RBPMS: variants seen among roughly 807,000 people sequenced by gnomAD.
RBPMS encodes the protein RNA-binding protein with multiple splicing.
RBPMS carries 7 observed loss-of-function variants against 26.8 expected under a neutral mutation model. The ratio of observed to expected loss-of-function variants is 0.26; its 90% confidence interval spans 0.15 to 0.49. The LOEUF (loss-of-function observed/expected upper bound fraction) is 0.49. Ranked by LOEUF, RBPMS falls within the 20% of genes least tolerant of loss-of-function variation. RBPMS has a pLI of 0.98. For synonymous variants in RBPMS, 96 were observed against 93.3 expected (o/e 1.03, Z -0.17); for missense variants, 186 against 250.0 (o/e 0.74, Z 1.73).
At chr8:30,390,164 C>T (rs569334412) in intron 1 of RBPMS, among the ~76,000 whole-genome samples, 7 of 152,218 alleles carry the variant, frequency 4.6e-5, no homozygotes, top group East Asian at 3.9e-4. Flanking sequence ...TTTAAGTTTT[C>T]GAAAATGACC....
chr8:30,426,501 G>C (rs1811360895), intron 1 of RBPMS, among the ~76,000 whole-genome samples: 3 of 152,070 alleles, frequency 2.0e-5, no homozygotes, highest in Admixed American at 1.3e-4. Context: ...ATGAACATTT[G>C]GGGTCCTGAA....
intron 1 of RBPMS, 55 bp downstream of exon 1, chr8:30,385,213 CCGGCGGGGCGCGGGCCCGGGGCG>C: frequency 7.6e-7 from 1 of 1,309,320 alleles, no homozygotes; most frequent in Admixed American, 3.8e-5. Flanking sequence ...GTGCGGGCGG[CCGGCGGGGCGCGGGCCCGGGGCG>C]CGGCGGTGGA....
chr8:30,434,154 G>A (rs1203539753), intron 1 of RBPMS, among the ~76,000 whole-genome samples: 1 of 151,850 alleles, frequency 6.6e-6, no homozygotes, highest in African/African-American at 2.4e-5. Context: ...TAAAAATAAA[G>A]TCCTGGGTCG....
chr8:30,423,824 G>GTTTTT lies in RBPMS; in HGVS notation c.66+38670_66+38674dup, dbSNP rs35688358. On this transcript the variant is annotated intron_variant, in intron 1 of 8. Transcript: ENST00000397323. ...TTACAAAAATCTGGATGGGTTTTTT[G>GTTTTT]TTTTTTTTGTTGTTGTTGTTTTGTT... Among the ~76,000 whole-genome samples the GTTTTT allele has an allele frequency of 5.2e-3, 696 of 133,342 alleles. 2 individuals are homozygous for GTTTTT. The highest frequency in any genetic ancestry group is 0.012 in the Middle Eastern group (3 of 258). 87.5% of individuals were successfully genotyped at this position (133,342 alleles called of 152,430 possible).
intron 1 of RBPMS, among the ~76,000 whole-genome samples, chr8:30,448,917 TG>T (rs567682475): frequency 3.9e-5 from 6 of 152,170 alleles, no homozygotes; most frequent in African/African-American, 1.2e-4. Flanking sequence ...ACCATACCCA[TG>T]GGGGGGAACT....
Position 30,413,159 on chromosome 8 carries a change from G to A in RBPMS, c.66+28001G>A, listed in dbSNP as rs187595177. 4.3e-3 allele frequency among the ~76,000 whole-genome samples: 657 copies of A among 152,134 alleles called. 4 individuals carry two copies. Among genetic ancestry groups the A allele is most frequent in the African/African-American group, 0.012 (513 of 41,510 alleles). ...AGTGGCACCATCTTGGCTCACTGCA[G>A]CCTCTGCCACTCAGGTTCAAGTGAT... On this transcript the variant is annotated intron_variant, in intron 1 of 8. Coordinates refer to ENST00000397323, the MANE Select transcript of RBPMS (RefSeq NM_001008710.3).
chr8:30,544,520 C>T lies in RBPMS; in HGVS notation c.424C>T (p.Pro142Ser), dbSNP rs758573531. The stretch of plus-strand genomic sequence containing the variant: ...TGAGCTCACAGTGCCTGCACTTTAC[C>T]CCAGTAGCCCTGAAGTGTGGGCCCC... ...PYELTVPALY[P>S]SSPEVWAPYP... Residue 142 changes from proline (P) to serine (S), a missense_variant, in exon 6 of 9, where the codon CCC becomes TCC. Physicochemically the swap from Pro to Ser is moderately conservative, Grantham distance 74. Transcript: ENST00000397323. 1.1e-5 allele frequency: 18 copies of T among 1,614,024 alleles called. No individual in the cohort carries two copies. Among genetic ancestry groups the T allele is most frequent in the Non-Finnish European group, 1.4e-5 (17 of 1,180,046 alleles).
chr8:30,426,535 G>A (rs1166845041), intron 1 of RBPMS, among the ~76,000 whole-genome samples: 3 of 152,138 alleles, frequency 2.0e-5, no homozygotes, highest in Admixed American at 6.5e-5. Flanking sequence ...TGCGTAATAG[G>A]ACCTGAATAA....
At chr8:30,533,506 T>C (rs1025017802) in intron 5 of RBPMS, among the ~76,000 whole-genome samples, 7 of 152,212 alleles carry the variant, frequency 4.6e-5, no homozygotes, top group Non-Finnish European at 8.8e-5. Context: ...TCTGGGTCCA[T>C]GGGTGGCTTT....
chr8:30,557,205 G>T (rs981064689), intron 6 of RBPMS, among the ~76,000 whole-genome samples: 9 of 152,222 alleles, frequency 5.9e-5, no homozygotes, highest in African/African-American at 2.2e-4. Context: ...GCAGGCAGAA[G>T]CTCCGGTATG....
intron 1 of RBPMS, among the ~76,000 whole-genome samples, chr8:30,433,850 G>T (rs1812180798): frequency 6.6e-6 from 1 of 152,108 alleles, no homozygotes; most frequent in Admixed American, 6.5e-5. Context: ...CTTAGATCTT[G>T]CATGATTATA....
Position 30,571,989 on chromosome 8 carries a change from A to C in RBPMS, c.*1464A>C, listed in dbSNP as rs566945533. On this transcript the variant is annotated 3_prime_UTR_variant, in exon 9 of 9. Coordinates refer to ENST00000397323, the MANE Select transcript of RBPMS (RefSeq NM_001008710.3). ...AATATAAAGATGTCAAGAAGCTTTT[A>C]AAGGTCAACACAAAAAACCAAGGCC... The C allele has an allele frequency of 1.1e-4, 17 of 152,352 alleles. No homozygotes were observed. The highest frequency in any genetic ancestry group is 3.8e-4 in the African/African-American group (16 of 41,584). 9.4% of individuals were successfully genotyped at this position (152,352 alleles called of 1,614,324 possible). A position where few individuals can be genotyped will look rare whatever the true frequency, so the allele number is the denominator to read the frequency against.
chr8:30,468,063 T>A (rs1438156321), intron 1 of RBPMS, among the ~76,000 whole-genome samples: 1 of 152,156 alleles, frequency 6.6e-6, no homozygotes, highest in Non-Finnish European at 1.5e-5. Context: ...CAGTTCCTGC[T>A]GTTTGCTTTT....
intron 1 of RBPMS, among the ~76,000 whole-genome samples, chr8:30,427,030 A>G (rs748598811): frequency 5.9e-5 from 9 of 152,124 alleles, no homozygotes; most frequent in East Asian, 5.8e-4. Context: ...AGCTCAAGCA[A>G]TCCCCCTGCT....
chr8:30,565,598 G>A (rs992448044), intron 7 of RBPMS: 1 of 152,214 alleles, frequency 6.6e-6, no homozygotes, highest in Admixed American at 6.5e-5. Flanking sequence ...CTGATTCTTT[G>A]CTAGGTCTTT....
chr8:30,542,915 G>A (rs774440819), intron 5 of RBPMS, among the ~76,000 whole-genome samples: 4 of 152,126 alleles, frequency 2.6e-5, no homozygotes, highest in Non-Finnish European at 4.4e-5. Context: ...AGATGCTGTG[G>A]ACCTGATCAT....
At chr8:30,490,571 T>C (rs867698883) in intron 4 of RBPMS, among the ~76,000 whole-genome samples, 109 of 152,134 alleles carry the variant, frequency 7.2e-4, no homozygotes, top group African/African-American at 2.4e-3. Context: ...GTGATTCTCC[T>C]GCCTCAGCCT....
intron 4 of RBPMS, among the ~76,000 whole-genome samples, chr8:30,481,874 G>A (rs114205419): frequency 1.3e-5 from 2 of 152,328 alleles, no homozygotes; most frequent in African/African-American, 4.8e-5. Context: ...GGAAACAGAC[G>A]TGGAGAGGAT....
At chr8:30,518,112 C>A (rs1032515116) in intron 5 of RBPMS, among the ~76,000 whole-genome samples, 2 of 152,194 alleles carry the variant, frequency 1.3e-5, no homozygotes, top group African/African-American at 4.8e-5. Context: ...CTGCTTTAGT[C>A]GTCTCAGAAG....
Sources: gnomAD v4.1 joint callset for allele counts (sites outside exome capture counted in the v4.1 genomes callset) on GRCh38, gnomAD v4.1.1 for gene constraint, MANE v1.5 for transcripts, NCBI Gene and HGNC (gene_info 2026-07-23, HGNC 2026-07-21) for gene names.